Variants in TMEM204 observed in about 807,000 individuals in gnomAD.
The protein encoded by TMEM204 is transmembrane protein 204, also known as claudin-like protein 24.
In TMEM204, 15 loss-of-function variants were observed where a neutral mutation model predicts 19.4. That is an observed-to-expected ratio of 0.77 (90% CI 0.52 to 1.19). TMEM204 has a LOEUF of 1.19. Among genes scored for constraint, TMEM204 ranks in the 50% most tolerant of loss-of-function variants. The probability of loss-of-function intolerance (pLI) is 0.00; values close to 1 mark genes in which losing one functional copy is unlikely to be tolerated. For synonymous variants in TMEM204, 161 were observed against 146.0 expected (o/e 1.10, Z -0.74); for missense variants, 287 against 321.2 (o/e 0.89, Z 0.81).
chr16:1,534,110 C>A lies in TMEM204; in HGVS notation c.-166C>A, dbSNP rs576595546. 3 of 804,718 alleles carry A rather than the reference C, an allele frequency of 3.7e-6. No individual in the cohort carries two copies. The highest frequency in any genetic ancestry group is 5.6e-6 in the Non-Finnish European group (3 of 536,478). 49.8% of individuals were successfully genotyped at this position (804,718 alleles called of 1,614,324 possible). On this transcript the variant is annotated 5_prime_UTR_variant, in exon 1 of 3. Transcript: ENST00000566264. The stretch of plus-strand genomic sequence containing the variant: ...TGCAGGAAGGAGGATAAGGCCGGGC[C>A]GAGAGGCGGCACACCTGGACCATCC...
chr16:1,537,798 C>T (rs920848494), intron 1 of TMEM204, among the ~76,000 whole-genome samples: 3 of 152,206 alleles, frequency 2.0e-5, no homozygotes, highest in Non-Finnish European at 4.4e-5. Context: ...GGCAGGCGAG[C>T]CAGAGCCTGG....
chr16:1,535,749 A>C (rs2031000149), intron 1 of TMEM204, among the ~76,000 whole-genome samples: 1 of 152,212 alleles, frequency 6.6e-6, no homozygotes, highest in Non-Finnish European at 1.5e-5. Flanking sequence ...GTCCACTCAA[A>C]GGCCCTCGGC....
At chr16:1,548,368 G>A (rs577821302) in intron 2 of TMEM204, among the ~76,000 whole-genome samples, 1 of 152,334 alleles carries the variant, frequency 6.6e-6, no homozygotes, top group South Asian at 2.1e-4. Context: ...AGAAGCTGAA[G>A]CCCCAAGAAG....
intron 1 of TMEM204, among the ~76,000 whole-genome samples, chr16:1,540,648 T>A (rs2031543932): frequency 6.6e-6 from 1 of 152,244 alleles, no homozygotes; most frequent in African/African-American, 2.4e-5. Flanking sequence ...GCCTGGATTC[T>A]GGTGTCTGTG....
At chr16:1,547,385 A>G (rs1186475965) in intron 2 of TMEM204, among the ~76,000 whole-genome samples, 1 of 152,208 alleles carries the variant, frequency 6.6e-6, no homozygotes, top group Non-Finnish European at 1.5e-5. Flanking sequence ...CGCTGACTTT[A>G]TCAGTCCTTA....
intron 2 of TMEM204, among the ~76,000 whole-genome samples, chr16:1,542,384 T>G (rs1596332440): frequency 1.3e-5 from 2 of 152,348 alleles, no homozygotes; most frequent in East Asian, 3.9e-4. Flanking sequence ...GGGGTCTGAT[T>G]GCTGACTGGC....
intron 2 of TMEM204, among the ~76,000 whole-genome samples, chr16:1,552,564 C>T (rs2032740946): frequency 6.6e-6 from 1 of 152,132 alleles, no homozygotes; most frequent in Non-Finnish European, 1.5e-5. Flanking sequence ...GCATCGATAC[C>T]ACACAATCGT....
At chr16:1,547,418 C>T (rs575565193) in intron 2 of TMEM204, among the ~76,000 whole-genome samples, 1 of 152,358 alleles carries the variant, frequency 6.6e-6, no homozygotes, top group African/African-American at 2.4e-5. Context: ...GGTTGATACT[C>T]ACTGACATGG....
intron 2 of TMEM204, among the ~76,000 whole-genome samples, chr16:1,549,659 T>G (rs1212636322): frequency 6.6e-6 from 1 of 151,870 alleles, no homozygotes; most frequent in African/African-American, 2.4e-5. Context: ...CTCAAACTCC[T>G]GACCTCAGGT....
chr16:1,529,709 C>G (rs2030233748), upstream of TMEM204, among the ~76,000 whole-genome samples: 1 of 152,224 alleles, frequency 6.6e-6, no homozygotes, highest in South Asian at 2.1e-4. Context: ...TGTCTTTCTC[C>G]TTTATGCTGA....
intron 1 of TMEM204, among the ~76,000 whole-genome samples, chr16:1,540,137 C>A (rs775723004): frequency 1.3e-5 from 2 of 152,184 alleles, no homozygotes; most frequent in Admixed American, 6.5e-5. Flanking sequence ...TAGACTGAGA[C>A]GATCCCACAC....
intron 1 of TMEM204, chr16:1,540,680 C>G: frequency 3.5e-6 from 1 of 282,008 alleles, no homozygotes; most frequent in Non-Finnish European, 5.4e-6. Flanking sequence ...CGCGGGGACC[C>G]GCTCCTGAGT....
At chr16:1,530,133 C>CTTTTTTTTTT (rs922819138), upstream of TMEM204, among the ~76,000 whole-genome samples, 7 of 88,586 alleles carry the variant, frequency 7.9e-5, no homozygotes, top group African/African-American at 2.7e-4. Flanking sequence ...CGACGGGAAT[C>CTTTTTTTTTT]TTTTTTTTTT....
At chr16:1,545,971 C>A (rs1485969657) in intron 2 of TMEM204, among the ~76,000 whole-genome samples, 1 of 152,252 alleles carries the variant, frequency 6.6e-6, no homozygotes, top group Admixed American at 6.5e-5. Context: ...GGCTTGGCTG[C>A]CGCTGCCCTT....
At chr16:1,545,393 C>T (rs901220465) in intron 2 of TMEM204, among the ~76,000 whole-genome samples, 3 of 152,212 alleles carry the variant, frequency 2.0e-5, no homozygotes, top group African/African-American at 4.8e-5. Flanking sequence ...TCACCCCTAA[C>T]GGGTCTGTTT....
Position 1,534,158 on chromosome 16 carries a change from C to A in TMEM204, c.-118C>A. 1 of 1,358,720 alleles carries A rather than the reference C, an allele frequency of 7.4e-7. No homozygotes were observed. The highest frequency in any genetic ancestry group is 9.9e-7 in the Non-Finnish European group (1 of 1,014,064). 84.2% of individuals were successfully genotyped at this position (1,358,720 alleles called of 1,614,324 possible). On this transcript the variant is annotated 5_prime_UTR_variant, in exon 1 of 3. Transcript: ENST00000566264. The stretch of plus-strand genomic sequence containing the variant: ...TCCCATGGGCCTCCGCCCGCGCCGC[C>A]CCGAGGATGAGTGGTGATGTCCTCT...
At chr16:1,552,340 C>G (rs772241892) in intron 2 of TMEM204, among the ~76,000 whole-genome samples, 14 of 152,082 alleles carry the variant, frequency 9.2e-5, no homozygotes, top group Non-Finnish European at 1.8e-4. Context: ...AAGAGCGCCC[C>G]ACCCCTCCCG....
Position 1,534,639 on chromosome 16 carries a change from C to T in TMEM204, c.280+84C>T, listed in dbSNP as rs761384978. On this transcript the variant is annotated intron_variant, in intron 1 of 2. Transcript: ENST00000566264. ...AGATGTTAGGCGCGGACCTGGTGAG[C>T]GGGTGGGGAGGCCTGGCCCCTGCTC... 1.7e-4 allele frequency: 276 copies of T among 1,577,582 alleles called. 1 individual carries two copies. The highest frequency in any genetic ancestry group is 7.6e-4 in the East Asian group (34 of 44,732).
At chr16:1,550,966 T>C (rs935239270) in intron 2 of TMEM204, among the ~76,000 whole-genome samples, 1 of 152,044 alleles carries the variant, frequency 6.6e-6, no homozygotes, top group Non-Finnish European at 1.5e-5. Context: ...GTGCTGCCCC[T>C]CCGTGAGCAT....
Sources: gnomAD v4.1 joint callset for allele counts (sites outside exome capture counted in the v4.1 genomes callset) on GRCh38, gnomAD v4.1.1 for gene constraint, MANE v1.5 for transcripts, NCBI Gene and HGNC (gene_info 2026-07-23, HGNC 2026-07-21) for gene names.